RB1: variants seen among roughly 807,000 people sequenced by gnomAD.
RB1 encodes the protein retinoblastoma-associated protein.
In RB1, 18 loss-of-function variants were observed where a neutral mutation model predicts 135.4. That is an observed-to-expected ratio of 0.13 (90% CI 0.09 to 0.20). The LOEUF (loss-of-function observed/expected upper bound fraction) is 0.20, where lower values mean the gene tolerates loss of function less well. Ranked by LOEUF, RB1 falls within the 10% of genes least tolerant of loss-of-function variation. RB1 has a pLI of 1.00. For missense variants in RB1, 868 were observed against 1,110.0 expected, an observed-to-expected ratio of 0.78 and a Z score of 3.10; for synonymous variants, 365 against 373.2, an observed-to-expected ratio of 0.98 and a Z score of 0.25.
In RB1 at chr13:48,480,110, G is replaced by A. The variant is rs1040215371; in HGVS notation, c.*39G>A. 4.0e-6 allele frequency: 6 copies of A among 1,512,388 alleles called. No homozygotes were observed. The highest frequency in any genetic ancestry group is 2.8e-5 in the African/African-American group (2 of 72,320). 93.7% of individuals were successfully genotyped at this position (1,512,388 alleles called of 1,614,324 possible). A position where few individuals can be genotyped will look rare whatever the true frequency, so the allele number is the denominator to read the frequency against. On this transcript the variant is annotated 3_prime_UTR_variant, in exon 27 of 27. Transcript: ENST00000267163. ...TTGGTGGACACTGTGTACACCTCTG[G>A]ATTCATTGTCTCTCACAGATGTGAC... is the stretch of plus-strand genomic sequence containing the variant.
intron 9 of RB1, among the ~76,000 whole-genome samples, chr13:48,366,976 G>A (rs1466892914): frequency 2.6e-5 from 4 of 151,792 alleles, no homozygotes; most frequent in African/African-American, 9.7e-5. Flanking sequence ...AAAATTAGCC[G>A]GGCATGGTAG....
chr13:48,303,916 C>A lies in RB1; in HGVS notation c.4C>A (p.Pro2Thr), dbSNP rs1328198608. M[P>T]PKTPRKTAAT... Reference sequence around the variant, plus strand: ...GCTCCCGCCGCGGAAAGGCGTCATGCCGCCCAAAACCCCCCGAAAAACGGC... The same window carrying A: ...GCTCCCGCCGCGGAAAGGCGTCATGACGCCCAAAACCCCCCGAAAAACGGC... Residue 2 changes from proline (P) to threonine (T), a missense_variant, in exon 1 of 27, where the codon CCG (proline) becomes ACG (threonine). By Grantham distance (38) the Pro-to-Thr change is conservative (BLOSUM62 -1). Coordinates refer to ENST00000267163, the MANE Select transcript of RB1 (RefSeq NM_000321.3). The A allele has an allele frequency of 1.3e-6, 2 of 1,513,454 alleles. No individual in the cohort carries two copies. The highest frequency in any genetic ancestry group is 1.8e-6 in the Non-Finnish European group (2 of 1,138,088). 93.8% of individuals were successfully genotyped at this position (1,513,454 alleles called of 1,614,324 possible).
chr13:48,424,541 AT>A (rs1369298370), intron 17 of RB1, among the ~76,000 whole-genome samples: 1 of 152,172 alleles, frequency 6.6e-6, no homozygotes, highest in African/African-American at 2.4e-5. Context: ...TTGTGGTAAG[AT>A]TTAAAACTTG....
At chr13:48,434,174 T>C (rs948648540) in intron 17 of RB1, among the ~76,000 whole-genome samples, 1 of 152,034 alleles carries the variant, frequency 6.6e-6, no homozygotes, top group African/African-American at 2.4e-5. Flanking sequence ...GAGCCAGGCC[T>C]GGTGGCTCAT....
chr13:48,444,853 A>T (rs1362544415), intron 17 of RB1: 1 of 152,254 alleles, frequency 6.6e-6, no homozygotes, highest in Non-Finnish European at 1.5e-5. Context: ...AACAGGTTAA[A>T]GGAGGGCAAG....
At chr13:48,362,281 G>C (rs1952650374) in intron 7 of RB1, among the ~76,000 whole-genome samples, 1 of 146,438 alleles carries the variant, frequency 6.8e-6, no homozygotes, top group African/African-American at 2.5e-5. Context: ...CCTGTATTTA[G>C]TTTGGATTGG....
chr13:48,455,502 G>T (rs755848300), intron 18 of RB1, among the ~76,000 whole-genome samples: 5 of 152,188 alleles, frequency 3.3e-5, no homozygotes, highest in Non-Finnish European at 5.9e-5. Context: ...TATACTACGT[G>T]TTGTAGAAAC....
In RB1 at chr13:48,314,988, A is replaced by G. The variant is rs951518307; in HGVS notation, c.264+7582A>G. Among the ~76,000 whole-genome samples, 22 of 152,236 alleles carry G rather than the reference A, an allele frequency of 1.4e-4. No individual in the cohort carries two copies. The East Asian group carries it at 4.2e-3, about 29-fold the overall frequency. On this transcript the variant is annotated intron_variant, in intron 2 of 26. Coordinates refer to ENST00000267163, the MANE Select transcript of RB1 (RefSeq NM_000321.3). ...GCCTCTAGCTTTGGTCTTTTTGTGT[A>G]GGGTTGCCTTGACTATTCGGGCTCT...
At chr13:48,367,040 ACC>A in intron 9 of RB1, among the ~76,000 whole-genome samples, 1 of 134,020 alleles carries the variant, frequency 7.5e-6, no homozygotes. Context: ...AGTTGCTTGA[ACC>A]CCGGGGGCAG....
intron 2 of RB1, among the ~76,000 whole-genome samples, chr13:48,316,575 C>T (rs1952184997): frequency 6.6e-6 from 1 of 152,102 alleles, no homozygotes; most frequent in Non-Finnish European, 1.5e-5. Context: ...TTTTACATCA[C>T]TTTAAATAAT....
rs546960106 is a variant in RB1, at chr13:48,419,847, G to A, written c.1696-33146G>A. Among the ~76,000 whole-genome samples the A allele has an allele frequency of 1.9e-4, 29 of 152,232 alleles. No individual in the cohort carries two copies. The East Asian group carries it at 2.7e-3, about 14-fold the overall frequency. ...CCCAAGAGTAAACCAGGAAGAAGTC[G>A]AATCCCTGAATAGACCAATAACAAG... On this transcript the variant is annotated intron_variant, in intron 17 of 26. Coordinates refer to ENST00000267163, the MANE Select transcript of RB1 (RefSeq NM_000321.3).
Position 48,417,511 on chromosome 13 carries a change from T to C in RB1, c.1696-35482T>C, listed in dbSNP as rs562238511. Reference sequence around the variant, plus strand: ...AGGCTGACAATTCCAAAAACCAGAATGCCTTTTCTCTTCCAAAGAATCACA... The same window carrying C: ...AGGCTGACAATTCCAAAAACCAGAACGCCTTTTCTCTTCCAAAGAATCACA... On this transcript the variant is annotated intron_variant, in intron 17 of 26. Coordinates refer to ENST00000267163, the MANE Select transcript of RB1 (RefSeq NM_000321.3). Among the ~76,000 whole-genome samples the C allele has an allele frequency of 2.0e-4, 30 of 152,208 alleles. No individual in the cohort carries two copies. In the East Asian group the frequency reaches 5.4e-3, roughly 27 times the overall value.
intron 17 of RB1, among the ~76,000 whole-genome samples, chr13:48,396,968 T>C (rs569454784): frequency 6.6e-6 from 1 of 152,304 alleles, no homozygotes; most frequent in South Asian, 2.1e-4. Context: ...CCAGTTAGAA[T>C]GGTGATCATT....
intron 24 of RB1, among the ~76,000 whole-genome samples, chr13:48,473,658 C>T (rs1375150626): frequency 6.6e-6 from 1 of 152,096 alleles, no homozygotes; most frequent in African/African-American, 2.4e-5. Context: ...TATATACATA[C>T]ATATATACGT....
At chr13:48,367,118 CAAAAAAAAAAA>C (rs34822911) in intron 9 of RB1, among the ~76,000 whole-genome samples, 2 of 102,358 alleles carry the variant, frequency 2.0e-5, no homozygotes, top group Non-Finnish European at 3.6e-5. Context: ...AACTCCATCT[CAAAAAAAAAAA>C]AAAAAAAAAG....
chr13:48,373,591 T>C, intron 12 of RB1, 99 bp downstream of exon 12: 2 of 751,314 alleles, frequency 2.7e-6, no homozygotes, highest in East Asian at 2.5e-5. Context: ...ACTAATCTCC[T>C]ATCTAACATG....
At chr13:48,423,953 T>C (rs537362653) in intron 17 of RB1, 15 of 152,586 alleles carry the variant, frequency 9.8e-5, no homozygotes, top group Admixed American at 4.6e-4. Context: ...GTATGGGACA[T>C]TGATATTTTA....
intron 17 of RB1, among the ~76,000 whole-genome samples, chr13:48,395,379 T>G (rs147510592): frequency 6.6e-6 from 1 of 151,796 alleles, no homozygotes; most frequent in South Asian, 2.1e-4. Context: ...CAAGGGGAGT[T>G]TGACGAATTG....
chr13:48,345,086 T>C lies in RB1; in HGVS notation c.387T>C (p.His129=). 1 of 1,611,364 alleles carries C rather than the reference T, an allele frequency of 6.2e-7. No individual in the cohort carries two copies. The highest frequency in any genetic ancestry group is 8.5e-7 in the Non-Finnish European group (1 of 1,178,606). The change falls in exon 4 of 27, where the codon CAT becomes CAC. Residue 129 remains histidine (H), a synonymous_variant. Coordinates refer to ENST00000267163, the MANE Select transcript of RB1 (RefSeq NM_000321.3). ...ELQKNIEISV[H]KFFNLLKEID... ...TCTATTCTTTCCTTTGTAGTGTCCATAAATTCTTTAACTTACTAAAAGAAA... is the reference window on the plus strand; with the variant it reads ...TCTATTCTTTCCTTTGTAGTGTCCACAAATTCTTTAACTTACTAAAAGAAA...
Sources: allele counts gnomAD v4.1 joint callset (sites outside exome capture counted in the v4.1 genomes callset), GRCh38; gene constraint gnomAD v4.1.1; transcripts MANE v1.5; gene names NCBI Gene and HGNC (gene_info 2026-07-23, HGNC 2026-07-21).